Variants in ARMH4 observed in about 807,000 individuals in gnomAD.
ARMH4 encodes the protein armadillo-like helical domain-containing protein 4.
In ARMH4, 49 loss-of-function variants were observed where a neutral mutation model predicts 61.9. The ratio of observed to expected loss-of-function variants is 0.79; its 90% confidence interval spans 0.63 to 1.00. The LOEUF is 1.00. ARMH4 is among the 50% of genes least tolerant of loss of function. The probability of loss-of-function intolerance (pLI) is 0.00; values close to 1 mark genes in which losing one functional copy is unlikely to be tolerated. For synonymous variants in ARMH4, 368 were observed against 341.5 expected (o/e 1.08, Z -0.85); for missense variants, 934 against 930.0 (o/e 1.00, Z -0.06).
At chr14:58,048,360 A>G (rs955611485) in intron 5 of ARMH4, among the ~76,000 whole-genome samples, 3 of 152,246 alleles carry the variant, frequency 2.0e-5, no homozygotes, top group Non-Finnish European at 4.4e-5. Flanking sequence ...ATCACAGATG[A>G]AGCAAAAAGA....
Position 58,066,662 on chromosome 14 carries a change from C to T in ARMH4, c.2089+30062G>A, listed in dbSNP as rs540757420. On this transcript the variant is annotated intron_variant, in intron 5 of 7. Coordinates refer to ENST00000267485, the MANE Select transcript of ARMH4 (RefSeq NM_001001872.4). ...GAAGGCTTTGAAGAGTTCGGAGAAA[C>T]GTTTTTAGCCAGAAGGAACGTCAGT... Among the ~76,000 whole-genome samples the T allele has an allele frequency of 7.9e-5, 12 of 152,190 alleles. No individual in the cohort carries two copies. The South Asian group carries it at 1.0e-3, about 13-fold the overall frequency.
At chr14:58,118,527 T>A (rs1886609886) in intron 4 of ARMH4, among the ~76,000 whole-genome samples, 2 of 144,764 alleles carry the variant, frequency 1.4e-5, no homozygotes. Flanking sequence ...GAGTAGAAAA[T>A]GAGAAGTTTA....
At chr14:58,012,795 C>A (rs1328362312) in intron 5 of ARMH4, among the ~76,000 whole-genome samples, 1 of 152,172 alleles carries the variant, frequency 6.6e-6, no homozygotes, top group Non-Finnish European at 1.5e-5. Flanking sequence ...AAAGGCTGAT[C>A]AACTATGAAA....
At chr14:58,032,845 G>A (rs189094609) in intron 5 of ARMH4, among the ~76,000 whole-genome samples, 55 of 152,216 alleles carry the variant, frequency 3.6e-4, no homozygotes, top group African/African-American at 1.3e-3. Context: ...TTTTCAGACC[G>A]GCTTAACAAA....
At chr14:58,042,251 C>G (rs1013303504) in intron 5 of ARMH4, among the ~76,000 whole-genome samples, 12 of 152,308 alleles carry the variant, frequency 7.9e-5, no homozygotes, top group African/African-American at 2.9e-4. Flanking sequence ...CAAACTGTCT[C>G]TCAGACCACA....
intron 5 of ARMH4, among the ~76,000 whole-genome samples, chr14:58,050,048 T>C (rs1050583294): frequency 1.3e-5 from 2 of 152,234 alleles, no homozygotes; most frequent in Non-Finnish European, 2.9e-5. Context: ...ACATAGAGAA[T>C]TGAAAGAACT....
chr14:58,014,206 T>G (rs1318122548), intron 5 of ARMH4, among the ~76,000 whole-genome samples: 1 of 152,170 alleles, frequency 6.6e-6, no homozygotes, highest in African/African-American at 2.4e-5. Context: ...TAATCTCTCA[T>G]GCAGAGCCCT....
chr14:58,141,581 C>T, intron 1 of ARMH4: 1 of 492,402 alleles, frequency 2.0e-6, no homozygotes. Context: ...AAGTGCTATG[C>T]TTGCCTGCAC....
chr14:58,052,675 T>C (rs146387513), intron 5 of ARMH4, among the ~76,000 whole-genome samples: 1 of 152,214 alleles, frequency 6.6e-6, no homozygotes, highest in East Asian at 1.9e-4. Flanking sequence ...CAGGGTCCAG[T>C]TCCAAGCCAT....
At chr14:58,128,561 C>T (rs929044123) in intron 4 of ARMH4, among the ~76,000 whole-genome samples, 21 of 152,086 alleles carry the variant, frequency 1.4e-4, no homozygotes, top group Admixed American at 1.4e-3. Context: ...AAAAATAAAC[C>T]ATTATCCCTT....
chr14:58,122,409 C>T (rs1886755064), intron 4 of ARMH4, among the ~76,000 whole-genome samples: 1 of 152,094 alleles, frequency 6.6e-6, no homozygotes, highest in East Asian at 1.9e-4. Context: ...CTAAGGGAGG[C>T]ATTGAGAAAG....
chr14:58,092,047 A>G (rs950721141), intron 5 of ARMH4, among the ~76,000 whole-genome samples: 8 of 152,230 alleles, frequency 5.3e-5, no homozygotes, highest in African/African-American at 1.9e-4. Context: ...AAAGTCATCT[A>G]TGTTCCTGCT....
intron 4 of ARMH4, among the ~76,000 whole-genome samples, chr14:58,128,662 T>G (rs1422469506): frequency 6.6e-6 from 1 of 152,170 alleles, no homozygotes; most frequent in East Asian, 1.9e-4. Flanking sequence ...CTTTCTTCAG[T>G]GACTAAGAAA....
intron 5 of ARMH4, among the ~76,000 whole-genome samples, chr14:58,030,288 G>C (rs1471711556): frequency 6.6e-6 from 1 of 152,154 alleles, no homozygotes; most frequent in Admixed American, 6.5e-5. Context: ...CAGCATTACA[G>C]GCAGGCCAGC....
At chr14:58,065,664 ATGTC>A (rs1884679366) in intron 5 of ARMH4, among the ~76,000 whole-genome samples, 1 of 152,248 alleles carries the variant, frequency 6.6e-6, no homozygotes, top group African/African-American at 2.4e-5. Context: ...TCCTACTACT[ATGTC>A]TGTGAGTAAT....
intron 4 of ARMH4, among the ~76,000 whole-genome samples, chr14:58,118,532 A>G (rs1346581948): frequency 6.7e-6 from 1 of 149,896 alleles, no homozygotes; most frequent in Non-Finnish European, 1.5e-5. Flanking sequence ...GAAAATGAGA[A>G]GTTTACCCTT....
chr14:58,148,379 G>C (rs1887815758), intron 1 of ARMH4, among the ~76,000 whole-genome samples: 1 of 152,114 alleles, frequency 6.6e-6, no homozygotes, highest in Non-Finnish European at 1.5e-5. Context: ...GACACTGTAC[G>C]ACCCATGGTT....
At chr14:58,086,699 T>C (rs1885394751) in intron 5 of ARMH4, among the ~76,000 whole-genome samples, 1 of 152,120 alleles carries the variant, frequency 6.6e-6, no homozygotes, top group African/African-American at 2.4e-5. Flanking sequence ...CAGTACTCCA[T>C]GCTGTGTGCT....
intron 6 of ARMH4, among the ~76,000 whole-genome samples, chr14:58,006,930 AT>A (rs1287566563): frequency 8.1e-5 from 10 of 122,824 alleles, no homozygotes; most frequent in African/African-American, 1.8e-4. Context: ...AAATAAATAA[AT>A]TAATTAATTA....
Sources: allele counts gnomAD v4.1 joint callset (sites outside exome capture counted in the v4.1 genomes callset), GRCh38; gene constraint gnomAD v4.1.1; transcripts MANE v1.5; gene names NCBI Gene and HGNC (gene_info 2026-07-23, HGNC 2026-07-21).